Variants in MTR observed in about 807,000 individuals in gnomAD.
MTR encodes the protein 5-methyltetrahydrofolate-homocysteine methyltransferase.
Under a neutral mutation model 154.8 loss-of-function variants are expected in MTR, and 84 were observed. The observed-to-expected ratio is 0.54, with a 90% confidence interval of 0.45 to 0.65. The LOEUF (loss-of-function observed/expected upper bound fraction) is 0.65. MTR is among the 30% of genes least tolerant of loss of function. The probability of loss-of-function intolerance (pLI) is 0.00; values close to 1 mark genes in which losing one functional copy is unlikely to be tolerated. For missense variants in MTR, 1,275 were observed against 1,570.2 expected, an observed-to-expected ratio of 0.81 and a Z score of 3.18; for synonymous variants, 554 against 553.9, an observed-to-expected ratio of 1.00 and a Z score of 0.00.
At chr1:236,815,860 T>A (rs1661562600) in intron 7 of MTR, among the ~76,000 whole-genome samples, 197 bp downstream of exon 7, 1 of 152,066 alleles carries the variant, frequency 6.6e-6, no homozygotes, top group Non-Finnish European at 1.5e-5. Flanking sequence ...GGAAAATGAA[T>A]CTAGAAGTAG....
At chr1:236,860,085 C>T (rs1033087337) in intron 19 of MTR, among the ~76,000 whole-genome samples, 163 bp downstream of exon 19, 1 of 102,770 alleles carries the variant, frequency 9.7e-6, no homozygotes, top group East Asian at 3.5e-4. Context: ...CCCCCCCCCC[C>T]CCCCCACCAT....
chr1:236,895,121 G>A, intron 30 of MTR: 1 of 572,064 alleles, frequency 1.7e-6, no homozygotes, highest in Non-Finnish European at 3.1e-6. Context: ...AAATCTTTAG[G>A]TCATTAAGTA....
chr1:236,862,425 A>C, intron 21 of MTR, 82 bp downstream of exon 21: 2 of 1,129,330 alleles, frequency 1.8e-6, no homozygotes, highest in South Asian at 1.2e-5. Context: ...CTAAGCAGTC[A>C]GGGTTGGCTG....
chr1:236,835,616 G>A lies in MTR; in HGVS notation c.1258G>A (p.Gly420Ser). The A allele has an allele frequency of 6.2e-7, 1 of 1,610,744 alleles. No individual in the cohort carries two copies. The highest frequency in any genetic ancestry group is 8.5e-7 in the Non-Finnish European group (1 of 1,179,436). ...GGTGTTGGATGTCAACATGGATGAT[G>A]GCATGCTAGATGGTCCAAGTGCAAT... The part of the protein sequence containing the change: ...AQVLDVNMDD[G>S]MLDGPSAMTR... Residue 420 changes from glycine to serine, a missense_variant, in exon 14 of 33, where the codon GGC (glycine) becomes AGC (serine). Coordinates refer to ENST00000366577, the MANE Select transcript of MTR (RefSeq NM_000254.3).
At chr1:236,835,744 T>G (rs1042230884) in intron 14 of MTR, 57 bp downstream of exon 14, 1 of 1,606,380 alleles carries the variant, frequency 6.2e-7, no homozygotes, top group Non-Finnish European at 8.5e-7. Flanking sequence ...TGACACTCAT[T>G]TAACCGTGCC....
At chr1:236,892,020 C>T (rs537031646) in intron 29 of MTR, among the ~76,000 whole-genome samples, 1 of 152,280 alleles carries the variant, frequency 6.6e-6, no homozygotes, top group South Asian at 2.1e-4. Context: ...TCATCCCCCC[C>T]ACCTTTGAAA....
Position 236,864,316 on chromosome 1 carries a change from T to G in MTR, c.2405+762T>G, listed in dbSNP as rs1016245465. Among the ~76,000 whole-genome samples the G allele has an allele frequency of 4.6e-5, 7 of 152,346 alleles. 1 individual carries two copies. In the East Asian group the frequency reaches 1.4e-3, roughly 29 times the overall value. ...GAAGAAAATTGACTGGAGCTATCCC[T>G]GTACTCCTCAGTTCTCTTCTTTGCT... is the stretch of plus-strand genomic sequence containing the variant. On this transcript the variant is annotated intron_variant, in intron 22 of 32. Coordinates refer to ENST00000366577, the MANE Select transcript of MTR (RefSeq NM_000254.3).
rs948258504 is a variant in MTR at position 236,891,283 on chromosome 1, C to T, written c.3158C>T (p.Pro1053Leu). The change falls in exon 29 of 33, where the codon CCC becomes CTC. Residue 1053 changes from proline (P) to leucine (L), a missense_variant. Pro to Leu is a moderately conservative substitution (Grantham distance 98, BLOSUM62 -3). Coordinates refer to ENST00000366577, the MANE Select transcript of MTR (RefSeq NM_000254.3). ...DIHLYAEAAV[P>L]QAAEPIATFY... ...CACCTGTACGCAGAGGCTGCTGTGC[C>T]CCAGGCTGCAGAGCCCATAGCCACC... 15 of 1,614,080 alleles carry T rather than the reference C, an allele frequency of 9.3e-6. No individual in the cohort carries two copies. Among genetic ancestry groups the T allele is most frequent in the Admixed American group, 1.7e-5 (1 of 60,000 alleles).
chr1:236,867,071 C>G (rs1204999032), intron 22 of MTR, among the ~76,000 whole-genome samples: 2 of 152,132 alleles, frequency 1.3e-5, no homozygotes. Context: ...CTATGCTAAC[C>G]AATAGGTTTT....
rs1228281579 is a variant in MTR, at chr1:236,903,701, G to A, written c.*6057G>A. 4.6e-5 allele frequency: 7 copies of A among 152,140 alleles called. No homozygotes were observed. Among genetic ancestry groups the A allele is most frequent in the Non-Finnish European group, 7.3e-5 (5 of 68,030 alleles). The allele number at this position is 152,140 out of a possible 1,614,324, so 9.4% of individuals were successfully genotyped here. A position where few individuals can be genotyped will look rare whatever the true frequency, so the allele number is the denominator to read the frequency against. On this transcript the variant is annotated 3_prime_UTR_variant, in exon 33 of 33. Transcript: ENST00000366577. The stretch of plus-strand genomic sequence containing the variant: ...ATAAGGTAAATGTAATACATCTGGC[G>A]ACCTGCTGAGTGTGAACTTGCAGCA...
At chr1:236,852,143 CT>C (rs2103250076) in intron 16 of MTR, among the ~76,000 whole-genome samples, 1 of 152,160 alleles carries the variant, frequency 6.6e-6, no homozygotes, top group South Asian at 2.1e-4. Flanking sequence ...TCCTTTTGTC[CT>C]TTTATAGTCG....
intron 15 of MTR, among the ~76,000 whole-genome samples, chr1:236,849,494 A>T (rs1663776381): frequency 6.6e-6 from 1 of 152,210 alleles, no homozygotes; most frequent in Non-Finnish European, 1.5e-5. Flanking sequence ...CAGAAGCCTT[A>T]GTTCTGTGAA....
chr1:236,879,270 T>C (rs1156384679), intron 24 of MTR, among the ~76,000 whole-genome samples: 1 of 152,252 alleles, frequency 6.6e-6, no homozygotes, highest in Non-Finnish European at 1.5e-5. Flanking sequence ...ATGTGTATCT[T>C]CCTGTGTTTT....
In MTR at chr1:236,901,443, A is replaced by G. The variant is rs903021918; in HGVS notation, c.*3799A>G. The stretch of plus-strand genomic sequence containing the variant: ...GTTGCAGATAGTGCAGAAGTCTTTA[A>G]AAACAATTATTTTAACCCAACTTCC... On this transcript the variant is annotated 3_prime_UTR_variant, in exon 33 of 33. Transcript: ENST00000366577. 3.3e-5 allele frequency: 5 copies of G among 149,576 alleles called. No homozygotes were observed. The highest frequency in any genetic ancestry group is 1.0e-4 in the African/African-American group (4 of 39,106). 9.3% of individuals were successfully genotyped at this position (149,576 alleles called of 1,614,324 possible).
chr1:236,808,981 C>A (rs1661146929), intron 4 of MTR, among the ~76,000 whole-genome samples: 1 of 152,180 alleles, frequency 6.6e-6, no homozygotes, highest in African/African-American at 2.4e-5. Flanking sequence ...ACTCTGTGGT[C>A]CTTGGGCTCG....
At chr1:236,879,756 C>T (rs921572322) in intron 24 of MTR, among the ~76,000 whole-genome samples, 1 of 152,212 alleles carries the variant, frequency 6.6e-6, no homozygotes, top group Non-Finnish European at 1.5e-5. Flanking sequence ...TTTTGCACTT[C>T]TGTTAATTAG....
intron 5 of MTR, among the ~76,000 whole-genome samples, chr1:236,811,053 T>C (rs191658356): frequency 6.6e-6 from 1 of 152,320 alleles, no homozygotes; most frequent in East Asian, 1.9e-4. Context: ...AAGAGAGGTT[T>C]AATGGACTTA....
At chr1:236,850,790 C>G (rs544628552) in intron 16 of MTR, among the ~76,000 whole-genome samples, 2 of 152,256 alleles carry the variant, frequency 1.3e-5, no homozygotes, top group South Asian at 4.1e-4. Context: ...TGGGATCACG[C>G]CAGTGCGCTC....
chr1:236,828,336 A>G (rs1298396126), intron 11 of MTR, among the ~76,000 whole-genome samples: 2 of 152,120 alleles, frequency 1.3e-5, no homozygotes, highest in East Asian at 3.8e-4. Context: ...GTAGTTAAAT[A>G]TTGCTTATCT....
Sources: allele counts gnomAD v4.1 joint callset (sites outside exome capture counted in the v4.1 genomes callset), GRCh38; gene constraint gnomAD v4.1.1; transcripts MANE v1.5; gene names NCBI Gene and HGNC (gene_info 2026-07-23, HGNC 2026-07-21).